HS6ST3: variants seen among roughly 807,000 people sequenced by gnomAD.
HS6ST3 encodes heparan-sulfate 6-O-sulfotransferase 3.
A neutral mutation model predicts 36.7 loss-of-function variants in HS6ST3; 12 were observed. The ratio of observed to expected loss-of-function variants is 0.33; its 90% confidence interval spans 0.21 to 0.53. The LOEUF (loss-of-function observed/expected upper bound fraction) is 0.53, where lower values mean the gene tolerates loss of function less well. Ranked by LOEUF, HS6ST3 falls within the 20% of genes least tolerant of loss-of-function variation. The pLI, the probability that HS6ST3 is intolerant of heterozygous loss-of-function variation, is 0.95. For synonymous variants in HS6ST3, 240 were observed against 257.5 expected, an observed-to-expected ratio of 0.93 and a Z score of 0.65; for missense variants, 584 against 640.9, an observed-to-expected ratio of 0.91 and a Z score of 0.96.
chr13:96,784,521 T>C (rs1877596752), intron 1 of HS6ST3, among the ~76,000 whole-genome samples: 1 of 152,224 alleles, frequency 6.6e-6, no homozygotes, highest in Non-Finnish European at 1.5e-5. Flanking sequence ...GTCATCATTA[T>C]TTTTTGTGAG....
At chr13:96,194,938 C>T (rs2054305154) in intron 1 of HS6ST3, among the ~76,000 whole-genome samples, 2 of 152,068 alleles carry the variant, frequency 1.3e-5, no homozygotes. Context: ...CATTTCCAAA[C>T]TTTAATTAAC....
chr13:96,630,630 C>G (rs1318650386), intron 1 of HS6ST3, among the ~76,000 whole-genome samples: 4 of 152,078 alleles, frequency 2.6e-5, no homozygotes, highest in East Asian at 3.9e-4. Context: ...CCTCCTATAC[C>G]CTGACAAGCT....
chr13:96,677,829 A>G (rs989363873), intron 1 of HS6ST3, among the ~76,000 whole-genome samples: 1 of 152,280 alleles, frequency 6.6e-6, no homozygotes, highest in Admixed American at 6.5e-5. Context: ...TTAAGCGAAT[A>G]TTGTACTTGG....
At chr13:96,795,243 T>C (rs1398471855) in intron 1 of HS6ST3, among the ~76,000 whole-genome samples, 3 of 152,046 alleles carry the variant, frequency 2.0e-5, no homozygotes, top group African/African-American at 7.2e-5. Flanking sequence ...TATTACCCAG[T>C]CTTATTATCA....
intron 1 of HS6ST3, among the ~76,000 whole-genome samples, chr13:96,358,627 G>A (rs2055221631): frequency 6.6e-6 from 1 of 152,004 alleles, no homozygotes; most frequent in Non-Finnish European, 1.5e-5. Flanking sequence ...TTCGGATAGT[G>A]GGTTAAAAAT....
chr13:96,796,466 A>C (rs1441017677), intron 1 of HS6ST3, among the ~76,000 whole-genome samples: 2 of 152,136 alleles, frequency 1.3e-5, no homozygotes, highest in African/African-American at 4.8e-5. Context: ...AGCACTGTTC[A>C]ACTTAATGAA....
chr13:96,104,975 C>T (rs2053834456), intron 1 of HS6ST3, among the ~76,000 whole-genome samples: 1 of 147,072 alleles, frequency 6.8e-6, no homozygotes, highest in Non-Finnish European at 1.5e-5. Context: ...AAACAGTTAT[C>T]AAGATTGGAA....
chr13:96,099,076 T>A (rs2053805652), intron 1 of HS6ST3, among the ~76,000 whole-genome samples: 1 of 152,130 alleles, frequency 6.6e-6, no homozygotes, highest in South Asian at 2.1e-4. Flanking sequence ...CCCGAGTAGC[T>A]GGGATTAAAG....
intron 1 of HS6ST3, among the ~76,000 whole-genome samples, chr13:96,656,996 TGTGA>T (rs1257206483): frequency 2.8e-4 from 35 of 124,168 alleles, no homozygotes; most frequent in African/African-American, 8.4e-4. Context: ...TGTGTGTGTG[TGTGA>T]GAGAGAGAGA....
At chr13:96,695,096 T>C (rs933821155) in intron 1 of HS6ST3, among the ~76,000 whole-genome samples, 8 of 152,212 alleles carry the variant, frequency 5.3e-5, no homozygotes, top group Non-Finnish European at 4.4e-5. Flanking sequence ...AAAAAATTAT[T>C]TTTTATTTAA....
At chr13:96,099,418 G>A (rs2053807290) in intron 1 of HS6ST3, among the ~76,000 whole-genome samples, 1 of 152,116 alleles carries the variant, frequency 6.6e-6, no homozygotes, top group Non-Finnish European at 1.5e-5. Context: ...GATATTCACT[G>A]GGCACTCAGT....
At chr13:96,212,836 A>T (rs995709908) in intron 1 of HS6ST3, among the ~76,000 whole-genome samples, 1 of 152,274 alleles carries the variant, frequency 6.6e-6, no homozygotes, top group East Asian at 1.9e-4. Context: ...ATTATCATAC[A>T]TGGCAGACTC....
At chr13:96,453,365 A>G (rs532902404) in intron 1 of HS6ST3, among the ~76,000 whole-genome samples, 55 of 152,202 alleles carry the variant, frequency 3.6e-4, no homozygotes, top group African/African-American at 1.3e-3. Context: ...GGAGTCTCCA[A>G]TGGCTATTAT....
chr13:96,330,485 T>G (rs1340257740), intron 1 of HS6ST3, among the ~76,000 whole-genome samples: 2 of 150,626 alleles, frequency 1.3e-5, no homozygotes, highest in African/African-American at 4.9e-5. Context: ...GAAAATTCTT[T>G]TCTTTAAGAA....
chr13:96,337,420 C>G (rs1439328661), intron 1 of HS6ST3, among the ~76,000 whole-genome samples: 3 of 152,172 alleles, frequency 2.0e-5, no homozygotes, highest in Non-Finnish European at 4.4e-5. Flanking sequence ...ATATTGCTGT[C>G]AGCTCCATCT....
intron 1 of HS6ST3, among the ~76,000 whole-genome samples, chr13:96,510,085 A>G (rs911664592): frequency 2.8e-5 from 4 of 142,704 alleles, no homozygotes; most frequent in African/African-American, 1.1e-4. Context: ...ATTCCTAGGT[A>G]TTTTTATTTT....
intron 1 of HS6ST3, among the ~76,000 whole-genome samples, chr13:96,300,310 G>A (rs1237655564): frequency 6.6e-6 from 1 of 151,902 alleles, no homozygotes; most frequent in African/African-American, 2.4e-5. Context: ...ACCCGTCTCG[G>A]CCTCCCAAAG....
At chr13:96,113,177 G>A (rs1048162992) in intron 1 of HS6ST3, among the ~76,000 whole-genome samples, 2 of 152,084 alleles carry the variant, frequency 1.3e-5, no homozygotes, top group Admixed American at 6.5e-5. Flanking sequence ...ACACAAACAC[G>A]GATTCACTTA....
chr13:96,627,653 C>G (rs958956500), intron 1 of HS6ST3, among the ~76,000 whole-genome samples: 1 of 151,810 alleles, frequency 6.6e-6, no homozygotes, highest in African/African-American at 2.4e-5. Context: ...TAAAGTTATT[C>G]AGGCCTGCTA....
Sources: allele counts gnomAD v4.1 joint callset (sites outside exome capture counted in the v4.1 genomes callset), GRCh38; gene constraint gnomAD v4.1.1; transcripts MANE v1.5; gene names NCBI Gene and HGNC (gene_info 2026-07-23, HGNC 2026-07-21).